The following AFG2A variants were observed in gnomAD, a reference collection of about 807,000 sequenced individuals.
The protein encoded by AFG2A is AAA ATPase AFG2A.
At chr4:122,983,388 G>T in the AFG2A span, among the ~76,000 whole-genome samples, 5 of 151,640 alleles carry the variant, frequency 3.3e-5, no homozygotes, top group Admixed American at 3.3e-4. Flanking sequence ...TCTTTGTTGT[G>T]TAAAATTAGG....
the AFG2A span, among the ~76,000 whole-genome samples, chr4:123,201,993 A>G: frequency 6.6e-6 from 1 of 152,222 alleles, no homozygotes; most frequent in African/African-American, 2.4e-5. Context: ...TGAAAGTTCA[A>G]AGTCTTTTGT....
the AFG2A span, among the ~76,000 whole-genome samples, chr4:123,106,508 TA>T: frequency 0.054 from 8,179 of 152,040 alleles, 474 homozygotes; most frequent in African/African-American, 0.15. Context: ...CAAACCACCC[TA>T]AAAAAAATTG....
At chr4:122,987,890 C>A in the AFG2A span, among the ~76,000 whole-genome samples, 1 of 152,064 alleles carries the variant, frequency 6.6e-6, no homozygotes, top group African/African-American at 2.4e-5. Context: ...GTATTCTTAC[C>A]TTTACAGGGG....
the AFG2A span, among the ~76,000 whole-genome samples, chr4:123,036,070 A>G: frequency 6.6e-6 from 1 of 152,208 alleles, no homozygotes; most frequent in South Asian, 2.1e-4. Context: ...TAATACTTTT[A>G]AAAATATTTG....
At chr4:123,201,575 C>T in the AFG2A span, among the ~76,000 whole-genome samples, 1 of 152,088 alleles carries the variant, frequency 6.6e-6, no homozygotes, top group Admixed American at 6.6e-5. Context: ...GTTCTTTTAA[C>T]CTTCAAAAAT....
At chr4:123,244,263 A>T in the AFG2A span, among the ~76,000 whole-genome samples, 1 of 152,086 alleles carries the variant, frequency 6.6e-6, no homozygotes, top group African/African-American at 2.4e-5. Flanking sequence ...GCCCTGCTGC[A>T]CTCTGGTGGG....
chr4:123,048,308 G>A, the AFG2A span, among the ~76,000 whole-genome samples: 124,817 of 152,112 alleles, frequency 0.82, 52,728 homozygotes, highest in East Asian at 0.97. Flanking sequence ...TTCCAGCTTC[G>A]TTCTTTTAGC....
chr4:122,966,181 C>T, the AFG2A span, among the ~76,000 whole-genome samples: 3 of 152,082 alleles, frequency 2.0e-5, no homozygotes, highest in African/African-American at 7.2e-5. Context: ...AAATAGGATA[C>T]GTTTATATAG....
At chr4:123,316,203 C>T in the AFG2A span, 1 of 152,142 alleles carries the variant, frequency 6.6e-6, no homozygotes, top group South Asian at 2.1e-4. Context: ...ACCTAGGGGA[C>T]AAAGAATATT....
chr4:122,993,655 A>C, the AFG2A span, among the ~76,000 whole-genome samples: 173 of 152,176 alleles, frequency 1.1e-3, 1 homozygote, highest in East Asian at 0.014. Flanking sequence ...TATATGACAA[A>C]AATTTAAAAT....
At chr4:123,192,838 T>A in the AFG2A span, among the ~76,000 whole-genome samples, 2 of 152,224 alleles carry the variant, frequency 1.3e-5, no homozygotes, top group African/African-American at 4.8e-5. Context: ...TTATTCTACC[T>A]TTGATTTGGT....
At chr4:122,944,274 A>G in the AFG2A span, among the ~76,000 whole-genome samples, 2 of 151,940 alleles carry the variant, frequency 1.3e-5, no homozygotes, top group Non-Finnish European at 2.9e-5. Flanking sequence ...CAAGTACACC[A>G]ATCAGACGTA....
At chr4:123,090,146 T>G in the AFG2A span, among the ~76,000 whole-genome samples, 1 of 152,196 alleles carries the variant, frequency 6.6e-6, no homozygotes, top group Non-Finnish European at 1.5e-5. Flanking sequence ...CGTAATGAGT[T>G]TTTTATTTCA....
the AFG2A span, among the ~76,000 whole-genome samples, chr4:122,928,053 T>A: frequency 4.6e-5 from 7 of 152,202 alleles, no homozygotes; most frequent in Non-Finnish European, 1.0e-4. Context: ...AAAACTGTAT[T>A]TTAAAAGACA....
chr4:123,090,484 T>C, the AFG2A span: 1 of 1,360,280 alleles, frequency 7.4e-7, no homozygotes, highest in Non-Finnish European at 9.9e-7. Flanking sequence ...AGACATGATT[T>C]CTCTTGTTAT....
At chr4:123,069,959 A>G in the AFG2A span, among the ~76,000 whole-genome samples, 1 of 152,184 alleles carries the variant, frequency 6.6e-6, no homozygotes. Context: ...TCAGAGGAGC[A>G]GTTCTGATCT....
At chr4:123,045,212 C>T in the AFG2A span, among the ~76,000 whole-genome samples, 1 of 152,054 alleles carries the variant, frequency 6.6e-6, no homozygotes, top group Non-Finnish European at 1.5e-5. Context: ...CTAAACTTTA[C>T]AGAAAATTTG....
chr4:123,135,913 A>G, the AFG2A span, among the ~76,000 whole-genome samples: 1 of 152,154 alleles, frequency 6.6e-6, no homozygotes, highest in Admixed American at 6.5e-5. Context: ...TACAAAATCA[A>G]CCTACACAAA....
At chr4:123,048,566 G>C in the AFG2A span, among the ~76,000 whole-genome samples, 1 of 152,096 alleles carries the variant, frequency 6.6e-6, no homozygotes, top group Non-Finnish European at 1.5e-5. Flanking sequence ...TTTCCTTGTA[G>C]AGATCTTTGA....
Sources: allele counts gnomAD v4.1 joint callset (sites outside exome capture counted in the v4.1 genomes callset), GRCh38; gene constraint gnomAD v4.1.1; transcripts MANE v1.5; gene names NCBI Gene and HGNC (gene_info 2026-07-23, HGNC 2026-07-21).